The following ZNF18 variants were observed in gnomAD, a reference collection of about 807,000 sequenced individuals.
ZNF18 encodes the protein heart development-specific gene 1 protein.
ZNF18 carries 42 observed loss-of-function variants against 58.1 expected under a neutral mutation model. That is an observed-to-expected ratio of 0.72 (90% CI 0.56 to 0.93). The LOEUF is 0.93. ZNF18 is among the 40% of genes least tolerant of loss of function. The pLI, the probability that ZNF18 is intolerant of heterozygous loss-of-function variation, is 0.00. For missense variants in ZNF18, 540 were observed against 644.2 expected (o/e 0.84, Z 1.75); for synonymous variants, 231 against 239.8 (o/e 0.96, Z 0.34).
At chr17:11,995,656 C>A (rs1237187598) in intron 1 of ZNF18, 1 of 149,008 alleles carries the variant, frequency 6.7e-6, no homozygotes. Context: ...GCACTCCAGC[C>A]TGGGCGACAG....
intron 1 of ZNF18, among the ~76,000 whole-genome samples, chr17:11,994,784 T>C (rs1221534288): frequency 6.6e-6 from 1 of 151,814 alleles, no homozygotes; most frequent in Non-Finnish European, 1.5e-5. Flanking sequence ...GAGCTTGCAG[T>C]GAGCTGAGAT....
At chr17:12,008,034 G>A in the ZNF18 span, among the ~76,000 whole-genome samples, 1 of 152,168 alleles carries the variant, frequency 6.6e-6, no homozygotes, top group African/African-American at 2.4e-5. Context: ...AGAGTCTTGA[G>A]GAGGGCCACT....
chr17:11,998,012 G>C (rs1968578000), upstream of ZNF18, among the ~76,000 whole-genome samples: 1 of 151,994 alleles, frequency 6.6e-6, no homozygotes, highest in Non-Finnish European at 1.5e-5. Context: ...GTTGGGGCTA[G>C]TCCAATGTGG....
chr17:12,007,020 G>A, the ZNF18 span, among the ~76,000 whole-genome samples: 1 of 152,138 alleles, frequency 6.6e-6, no homozygotes, highest in East Asian at 1.9e-4. Context: ...TTAGGCCAAT[G>A]TTTACTGTTT....
intron 1 of ZNF18, among the ~76,000 whole-genome samples, chr17:11,994,139 T>C (rs887781265): frequency 6.6e-6 from 1 of 152,140 alleles, no homozygotes; most frequent in Admixed American, 6.6e-5. Flanking sequence ...TAAAAAAAGA[T>C]ACCCCATCAC....
chr17:11,991,685 T>A (rs1968138908), intron 2 of ZNF18, among the ~76,000 whole-genome samples: 1 of 152,162 alleles, frequency 6.6e-6, no homozygotes, highest in Non-Finnish European at 1.5e-5. Context: ...TCTTTGTTAT[T>A]CATAAGGAGC....
At chr17:11,999,256 T>C (rs1330152319), upstream of ZNF18, among the ~76,000 whole-genome samples, 1 of 152,194 alleles carries the variant, frequency 6.6e-6, no homozygotes, top group Non-Finnish European at 1.5e-5. Context: ...GTGAATCTGA[T>C]GGAAGGTAAA....
chr17:11,989,622 T>C (rs1292972833), intron 4 of ZNF18, among the ~76,000 whole-genome samples: 1 of 152,150 alleles, frequency 6.6e-6, no homozygotes, highest in East Asian at 1.9e-4. Flanking sequence ...GATTAGATGC[T>C]GTGAGATGAA....
intron 1 of ZNF18, chr17:11,995,737 G>A (rs534589488): frequency 6.0e-5 from 9 of 149,982 alleles, no homozygotes; most frequent in African/African-American, 2.0e-4. Flanking sequence ...ACTATCAACC[G>A]ACTTGCTCTA....
At chr17:12,014,444 T>C in the ZNF18 span, among the ~76,000 whole-genome samples, 2 of 152,166 alleles carry the variant, frequency 1.3e-5, no homozygotes, top group Non-Finnish European at 2.9e-5. Flanking sequence ...AATATAATAT[T>C]ATCCAGTCAT....
intron 1 of ZNF18, among the ~76,000 whole-genome samples, chr17:11,995,239 T>C (rs1053877568): frequency 6.8e-6 from 1 of 147,200 alleles, no homozygotes; most frequent in South Asian, 2.3e-4. Context: ...CAAAACCCCA[T>C]CTCTACTAAA....
chr17:11,998,057 C>CTG (rs760509784), upstream of ZNF18, among the ~76,000 whole-genome samples: 120 of 150,124 alleles, frequency 8.0e-4, no homozygotes, highest in South Asian at 2.5e-3. Context: ...TCTCTCTCTT[C>CTG]TCTCTCTCTC....
intron 4 of ZNF18, among the ~76,000 whole-genome samples, chr17:11,988,369 G>C (rs72819228): frequency 1.3e-5 from 2 of 152,056 alleles, no homozygotes; most frequent in Non-Finnish European, 2.9e-5. Context: ...GGGAAACCCA[G>C]GCTGAGCCAG....
At chr17:12,019,182 A>G in the ZNF18 span, among the ~76,000 whole-genome samples, 1 of 151,776 alleles carries the variant, frequency 6.6e-6, no homozygotes, top group Non-Finnish European at 1.5e-5. Flanking sequence ...CAGGCTGGTC[A>G]CTAACTCCTG....
intron 6 of ZNF18, among the ~76,000 whole-genome samples, chr17:11,979,288 G>T (rs1465687494): frequency 6.6e-6 from 1 of 152,090 alleles, no homozygotes; most frequent in African/African-American, 2.4e-5. Context: ...GACATAATTT[G>T]TGTCATATTG....
rs775538342 is a variant in ZNF18 at position 11,992,472 on chromosome 17, T to G, written c.358A>C (p.Lys120Gln). 6 of 1,614,136 alleles carry G rather than the reference T, an allele frequency of 3.7e-6. No homozygotes were observed. In the Admixed American group the frequency reaches 6.7e-5, roughly 18 times the overall value. ...TGCCACAGTCTCTGGGGGTCCCCCT[T>G]CAAGCTTTCCACAAGGGTCACTGCC... The part of the protein sequence containing the change: ...EEAVTLVESL[K>Q]GDPQRLWQWI... Residue 120 changes from lysine to glutamine, a missense_variant, in exon 2 of 7, where the codon AAG becomes CAG. By Grantham distance (53) the Lys-to-Gln change is moderately conservative. Transcript: ENST00000580306.
At chr17:12,010,897 CA>C in the ZNF18 span, 1 of 523,904 alleles carries the variant, frequency 1.9e-6, no homozygotes, top group Admixed American at 2.9e-5. Flanking sequence ...AATTTTCCTT[CA>C]CTTGTTTCAG....
At chr17:11,982,646 G>A (rs1357934720) in intron 6 of ZNF18, among the ~76,000 whole-genome samples, 1 of 139,294 alleles carries the variant, frequency 7.2e-6, no homozygotes, top group Non-Finnish European at 1.6e-5. Flanking sequence ...GGGATTTACT[G>A]TATATATAAA....
At chr17:12,002,711 T>C in the ZNF18 span, among the ~76,000 whole-genome samples, 22 of 152,178 alleles carry the variant, frequency 1.4e-4, no homozygotes, top group Non-Finnish European at 1.2e-4. Context: ...GGGCAAACTA[T>C]CATGGGAGAT....
Sources: gnomAD v4.1 joint callset for allele counts (sites outside exome capture counted in the v4.1 genomes callset) on GRCh38, gnomAD v4.1.1 for gene constraint, MANE v1.5 for transcripts, NCBI Gene and HGNC (gene_info 2026-07-23, HGNC 2026-07-21) for gene names.